TMEM108: variants seen among roughly 807,000 people sequenced by gnomAD.
TMEM108 encodes transmembrane protein 108, also known as cancer/testis antigen 124.
TMEM108 carries 12 observed loss-of-function variants against 35.1 expected under a neutral mutation model. The ratio of observed to expected loss-of-function variants is 0.34; its 90% confidence interval spans 0.22 to 0.55. The LOEUF (loss-of-function observed/expected upper bound fraction) is 0.55, where lower values mean the gene tolerates loss of function less well. TMEM108 is among the 20% of genes least tolerant of loss of function. TMEM108 has a pLI of 0.89. For missense variants in TMEM108, 680 were observed against 753.3 expected (o/e 0.90, Z 1.14); for synonymous variants, 287 against 308.6 (o/e 0.93, Z 0.73).
At chr3:133,320,989 C>T (rs950573403) in intron 3 of TMEM108, among the ~76,000 whole-genome samples, 1 of 152,164 alleles carries the variant, frequency 6.6e-6, no homozygotes, top group African/African-American at 2.4e-5. Context: ...TTGCCACTCT[C>T]AAGCCAGCAC....
chr3:133,267,080 C>CAA (rs567345267), intron 3 of TMEM108, among the ~76,000 whole-genome samples: 121 of 115,870 alleles, frequency 1.0e-3, no homozygotes, highest in East Asian at 2.5e-3. Flanking sequence ...GACTCCACCT[C>CAA]AAAAAAAAAA....
chr3:133,209,608 G>GA (rs1945807397), intron 2 of TMEM108, among the ~76,000 whole-genome samples: 1 of 152,024 alleles, frequency 6.6e-6, no homozygotes, highest in African/African-American at 2.4e-5. Flanking sequence ...TGTGTATACT[G>GA]CATCTTCCTG....
At chr3:133,342,815 C>G (rs1157704389) in intron 3 of TMEM108, among the ~76,000 whole-genome samples, 1 of 150,738 alleles carries the variant, frequency 6.6e-6, no homozygotes, top group African/African-American at 2.4e-5. Context: ...CAAAATTACA[C>G]TAGATAGGAG....
At chr3:133,344,631 A>C (rs1473436216) in intron 3 of TMEM108, among the ~76,000 whole-genome samples, 3 of 151,934 alleles carry the variant, frequency 2.0e-5, no homozygotes, top group African/African-American at 7.2e-5. Context: ...AAATTAGAAA[A>C]ACAATCACAC....
intron 3 of TMEM108, among the ~76,000 whole-genome samples, chr3:133,377,468 G>A (rs2072877112): frequency 6.6e-6 from 1 of 152,158 alleles, no homozygotes. Flanking sequence ...CTGCATCATT[G>A]ATAGTGGTTG....
intron 2 of TMEM108, among the ~76,000 whole-genome samples, chr3:133,137,340 A>C (rs554993560): frequency 6.6e-6 from 1 of 152,228 alleles, no homozygotes; most frequent in Non-Finnish European, 1.5e-5. Context: ...CGCTGCCGTC[A>C]GTCATCTTTC....
At chr3:133,362,338 G>A (rs1266098085) in intron 3 of TMEM108, among the ~76,000 whole-genome samples, 1 of 152,178 alleles carries the variant, frequency 6.6e-6, no homozygotes, top group African/African-American at 2.4e-5. Context: ...TTCTGAACCT[G>A]CAGCCTCCTC....
At chr3:133,297,689 C>A (rs1244816960) in intron 3 of TMEM108, among the ~76,000 whole-genome samples, 1 of 152,190 alleles carries the variant, frequency 6.6e-6, no homozygotes, top group East Asian at 1.9e-4. Flanking sequence ...CTGAGGCAAT[C>A]TCTGAGGTTT....
At chr3:133,270,757 C>T (rs1333833582) in intron 3 of TMEM108, among the ~76,000 whole-genome samples, 2 of 151,890 alleles carry the variant, frequency 1.3e-5, no homozygotes, top group African/African-American at 4.8e-5. Context: ...AGGATTTTCT[C>T]CCTGTTTTTT....
intron 2 of TMEM108, among the ~76,000 whole-genome samples, chr3:133,054,629 G>A (rs917382070): frequency 4.6e-5 from 7 of 152,174 alleles, no homozygotes; most frequent in Admixed American, 1.3e-4. Context: ...CCTGAACTTG[G>A]AGCATTAGTT....
chr3:133,279,560 C>A (rs551042546), intron 3 of TMEM108, among the ~76,000 whole-genome samples: 2 of 152,138 alleles, frequency 1.3e-5, no homozygotes, highest in Admixed American at 1.3e-4. Context: ...TCGGGCCATC[C>A]CTTGGTTGGC....
Position 133,386,953 on chromosome 3 carries a change from G to A in TMEM108, c.1451-3227G>A, listed in dbSNP as rs148172798. On this transcript the variant is annotated intron_variant, in intron 4 of 5. Coordinates refer to ENST00000321871, the MANE Select transcript of TMEM108 (RefSeq NM_023943.4). ...GCCTTCCTCAGGCAGTTATCATGTG[G>A]GCTAAATAAGCTTCAAAGTGCCTGG... 4,003 of 941,406 alleles carry A rather than the reference G, an allele frequency of 4.3e-3. 11 individuals are homozygous for A. Among genetic ancestry groups the A allele is most frequent in the Non-Finnish European group, 4.8e-3 (3,757 of 788,614 alleles). 58.3% of individuals were successfully genotyped at this position (941,406 alleles called of 1,614,324 possible).
chr3:133,225,563 C>T (rs888402028), intron 2 of TMEM108, among the ~76,000 whole-genome samples: 1 of 152,118 alleles, frequency 6.6e-6, no homozygotes, highest in African/African-American at 2.4e-5. Context: ...CTCACCCTAG[C>T]TGGATTTTGA....
intron 2 of TMEM108, among the ~76,000 whole-genome samples, chr3:133,160,173 C>T (rs1944941069): frequency 6.6e-6 from 1 of 152,226 alleles, no homozygotes; most frequent in Admixed American, 6.5e-5. Context: ...AGGGCTGCTG[C>T]TCCTTTTGTG....
At chr3:133,320,282 T>C (rs1356710640) in intron 3 of TMEM108, among the ~76,000 whole-genome samples, 2 of 150,634 alleles carry the variant, frequency 1.3e-5, no homozygotes, top group African/African-American at 4.9e-5. Flanking sequence ...AAAAAATATA[T>C]ACAGGATATG....
intron 2 of TMEM108, among the ~76,000 whole-genome samples, chr3:133,158,271 C>G (rs1944909649): frequency 6.6e-6 from 1 of 151,532 alleles, no homozygotes; most frequent in African/African-American, 2.4e-5. Context: ...AAATCGAGAC[C>G]ATCCCGGCCA....
chr3:133,040,199 T>G (rs897735863), intron 1 of TMEM108, among the ~76,000 whole-genome samples: 2 of 124,088 alleles, frequency 1.6e-5, no homozygotes, highest in African/African-American at 5.6e-5. Flanking sequence ...TTTTTGTTTG[T>G]TTGTTTGTTT....
intron 3 of TMEM108, among the ~76,000 whole-genome samples, chr3:133,353,503 T>C (rs960341019): frequency 1.3e-5 from 2 of 152,194 alleles, no homozygotes; most frequent in Non-Finnish European, 2.9e-5. Context: ...GGGAAATGAA[T>C]GCCAGGAGGG....
intron 3 of TMEM108, among the ~76,000 whole-genome samples, chr3:133,282,162 A>T (rs562412069): frequency 1.9e-4 from 29 of 152,348 alleles, no homozygotes; most frequent in East Asian, 1.2e-3. Flanking sequence ...GTCTCAAAAA[A>T]AAATAAATAA....
Sources: allele counts gnomAD v4.1 joint callset (sites outside exome capture counted in the v4.1 genomes callset), GRCh38; gene constraint gnomAD v4.1.1; transcripts MANE v1.5; gene names NCBI Gene and HGNC (gene_info 2026-07-23, HGNC 2026-07-21).